MACROD2: variants seen among roughly 807,000 people sequenced by gnomAD.
MACROD2 encodes ADP-ribose glycohydrolase MACROD2.
MACROD2 carries 36 observed loss-of-function variants against 70.4 expected under a neutral mutation model. The ratio of observed to expected loss-of-function variants is 0.51; its 90% CI spans 0.39 to 0.68. The LOEUF is 0.68. Ranked by LOEUF, MACROD2 falls within the 30% of genes least tolerant of loss-of-function variation. The pLI is 0.00. For synonymous variants in MACROD2, 172 were observed against 178.8 expected (o/e 0.96, Z 0.30); for missense variants, 496 against 538.4 (o/e 0.92, Z 0.78).
chr20:15,500,449 C>G (rs997315839), intron 8 of MACROD2, among the ~76,000 whole-genome samples: 7 of 152,126 alleles, frequency 4.6e-5, no homozygotes, highest in African/African-American at 1.7e-4. Context: ...GGGAATTACT[C>G]AAGTAAACAA....
At chr20:15,754,014 A>G (rs1014605123) in intron 8 of MACROD2, among the ~76,000 whole-genome samples, 5 of 152,244 alleles carry the variant, frequency 3.3e-5, no homozygotes, top group African/African-American at 1.2e-4. Context: ...AAAATCTGAT[A>G]GATCAAGCTT....
chr20:16,028,309 A>G (rs566953597), intron 15 of MACROD2, among the ~76,000 whole-genome samples: 90 of 151,900 alleles, frequency 5.9e-4, no homozygotes, highest in Non-Finnish European at 1.1e-3. Context: ...CTGGCTTGTG[A>G]ACTCCATGAG....
At chr20:15,941,821 G>A (rs1169020474) in intron 12 of MACROD2, among the ~76,000 whole-genome samples, 1 of 152,116 alleles carries the variant, frequency 6.6e-6, no homozygotes, top group Admixed American at 6.6e-5. Context: ...TTATGGACAG[G>A]TCTTTTTTTC....
At chr20:15,898,561 A>AAC (rs1319139898) in intron 10 of MACROD2, among the ~76,000 whole-genome samples, 12 of 151,264 alleles carry the variant, frequency 7.9e-5, no homozygotes, top group African/African-American at 1.5e-4. Context: ...AAAAAAAAAA[A>AAC]AAAAAAAAAC....
chr20:15,767,142 T>A (rs1202725760), intron 8 of MACROD2, among the ~76,000 whole-genome samples: 1 of 151,986 alleles, frequency 6.6e-6, no homozygotes, highest in East Asian at 1.9e-4. Flanking sequence ...AAATAAAGCT[T>A]ATAAAATAAC....
intron 3 of MACROD2, among the ~76,000 whole-genome samples, chr20:14,460,832 T>G (rs967967110): frequency 6.6e-6 from 1 of 152,130 alleles, no homozygotes; most frequent in Non-Finnish European, 1.5e-5. Context: ...CAGTATTTTA[T>G]TGATGATTTT....
chr20:15,067,249 A>G (rs906273005), intron 5 of MACROD2, among the ~76,000 whole-genome samples: 3 of 152,242 alleles, frequency 2.0e-5, no homozygotes, highest in South Asian at 2.1e-4. Flanking sequence ...AAATGTATTG[A>G]AATATAATGT....
intron 5 of MACROD2, chr20:14,895,150 A>C (rs2073812124): frequency 6.6e-6 from 1 of 152,188 alleles, no homozygotes; most frequent in African/African-American, 2.4e-5. Context: ...ATTCTGTGTG[A>C]GATCTATGGA....
At chr20:15,350,095 T>C (rs934250273) in intron 6 of MACROD2, among the ~76,000 whole-genome samples, 11 of 152,198 alleles carry the variant, frequency 7.2e-5, no homozygotes, top group Non-Finnish European at 1.6e-4. Flanking sequence ...CTAGTGAACC[T>C]GACTGTGGTT....
chr20:15,804,172 A>T (rs766483628), intron 8 of MACROD2, among the ~76,000 whole-genome samples: 1 of 152,194 alleles, frequency 6.6e-6, no homozygotes, highest in Non-Finnish European at 1.5e-5. Flanking sequence ...GGCCCTACTT[A>T]TAAACTTCTT....
At chr20:15,272,866 A>G (rs1195241042) in intron 6 of MACROD2, among the ~76,000 whole-genome samples, 1 of 152,212 alleles carries the variant, frequency 6.6e-6, no homozygotes, top group African/African-American at 2.4e-5. Context: ...CAACCTGCCC[A>G]TCCAATGCCC....
At chr20:15,659,441 C>T (rs551912770) in intron 8 of MACROD2, among the ~76,000 whole-genome samples, 57 of 149,982 alleles carry the variant, frequency 3.8e-4, no homozygotes, top group Non-Finnish European at 5.9e-4. Flanking sequence ...TGTGCCCTAC[C>T]CAAACCCACC....
intron 3 of MACROD2, among the ~76,000 whole-genome samples, chr20:14,365,165 A>G (rs528468438): frequency 6.6e-6 from 1 of 152,074 alleles, no homozygotes; most frequent in African/African-American, 2.4e-5. Context: ...AGACCTGTTG[A>G]TATTTTCCAT....
chr20:14,623,185 GT>G (rs796433388), intron 4 of MACROD2, among the ~76,000 whole-genome samples: 5 of 148,448 alleles, frequency 3.4e-5, no homozygotes, highest in East Asian at 2.0e-4. Flanking sequence ...AGTTTTTTTT[GT>G]TTTTTTTTTC....
At chr20:15,848,203 C>CTCTCTT (rs369607042) in intron 8 of MACROD2, among the ~76,000 whole-genome samples, 1 of 152,260 alleles carries the variant, frequency 6.6e-6, no homozygotes, top group African/African-American at 2.4e-5. Flanking sequence ...CACTCTCTCT[C>CTCTCTT]TCTCTTTCTC....
intron 5 of MACROD2, among the ~76,000 whole-genome samples, chr20:14,912,595 C>T (rs866071569): frequency 6.6e-6 from 1 of 152,016 alleles, no homozygotes; most frequent in Non-Finnish European, 1.5e-5. Context: ...TGACTTCAGA[C>T]AGTAATCATT....
At chr20:14,338,978 T>C (rs1019773849) in intron 3 of MACROD2, among the ~76,000 whole-genome samples, 10 of 152,218 alleles carry the variant, frequency 6.6e-5, no homozygotes, top group Admixed American at 5.9e-4. Context: ...ATATCTTTAT[T>C]TGCTCTATTC....
chr20:14,323,762 T>C (rs1025623867), intron 3 of MACROD2: 5 of 152,142 alleles, frequency 3.3e-5, no homozygotes, highest in African/African-American at 9.7e-5. Context: ...AAAGTGTGTA[T>C]TTCACAGTAT....
At chr20:15,386,680 G>T (rs1415354739) in intron 6 of MACROD2, among the ~76,000 whole-genome samples, 1 of 152,162 alleles carries the variant, frequency 6.6e-6, no homozygotes, top group African/African-American at 2.4e-5. Context: ...CATTGAAATT[G>T]TAAGAATGTT....
Sources: allele counts gnomAD v4.1 joint callset (sites outside exome capture counted in the v4.1 genomes callset), GRCh38; gene constraint gnomAD v4.1.1; transcripts MANE v1.5; gene names NCBI Gene and HGNC (gene_info 2026-07-23, HGNC 2026-07-21).